The following ADK variants were observed in gnomAD, a reference collection of about 807,000 sequenced individuals.
The protein encoded by ADK is N6,N6-dimethyladenosine kinase.
Under a neutral mutation model 44.7 loss-of-function variants are expected in ADK, and 24 were observed. That is an observed-to-expected ratio of 0.54 (90% CI 0.39 to 0.76). The LOEUF (loss-of-function observed/expected upper bound fraction) is 0.76, where lower values mean the gene tolerates loss of function less well. Among genes scored for constraint, ADK ranks in the 30% least tolerant of loss-of-function variants. The pLI, the probability that ADK is intolerant of heterozygous loss-of-function variation, is 0.00. For synonymous variants in ADK, 128 were observed against 142.6 expected (o/e 0.90, Z 0.73); for missense variants, 321 against 425.1 (o/e 0.76, Z 2.15).
chr10:74,537,377 T>C (rs1849490107), intron 7 of ADK, among the ~76,000 whole-genome samples: 1 of 152,226 alleles, frequency 6.6e-6, no homozygotes, highest in Non-Finnish European at 1.5e-5. Context: ...GTAGTTTTAA[T>C]TTGTTTCTGA....
At chr10:74,346,248 A>C (rs868409750) in intron 4 of ADK, among the ~76,000 whole-genome samples, 2 of 151,986 alleles carry the variant, frequency 1.3e-5, no homozygotes, top group Non-Finnish European at 2.9e-5. Flanking sequence ...TCCCAATGCC[A>C]TGGTACATAT....
intron 4 of ADK, chr10:74,372,230 A>G (rs1842683638): frequency 6.6e-6 from 5 of 761,336 alleles, no homozygotes; most frequent in Middle Eastern, 3.6e-4. Context: ...GGACTGCTCC[A>G]GCTCCTGAGT....
At chr10:74,435,825 C>G (rs1023499888) in intron 6 of ADK, among the ~76,000 whole-genome samples, 4 of 151,910 alleles carry the variant, frequency 2.6e-5, no homozygotes, top group African/African-American at 9.7e-5. Flanking sequence ...AAAAATATGT[C>G]AAAAATAAAA....
rs766485044 is a variant in ADK at position 74,423,825 on chromosome 10, C to G, written c.555+25246C>G. On this transcript the variant is annotated intron_variant, in intron 6 of 10. Transcript: ENST00000539909. The stretch of plus-strand genomic sequence containing the variant: ...GCTCCTGTCCAGCGCTGCCCCAGAT[C>G]TCAAACTTGACTATTGTGTCGTCTA... 1.0e-5 allele frequency: 3 copies of G among 298,202 alleles called. No individual in the cohort carries two copies. The East Asian group carries it at 2.8e-4, about 28-fold the overall frequency. The allele number at this position is 298,202 out of a possible 1,614,324, so 18.5% of individuals were successfully genotyped here. A position where few individuals can be genotyped will look rare whatever the true frequency, so the allele number is the denominator to read the frequency against.
At chr10:74,484,316 T>C (rs748361861) in intron 6 of ADK, among the ~76,000 whole-genome samples, 191 of 152,218 alleles carry the variant, frequency 1.3e-3, no homozygotes, top group Non-Finnish European at 2.2e-3. Flanking sequence ...GAGAACTCGC[T>C]CATTATCACA....
chr10:74,456,853 C>T (rs1203334289), intron 6 of ADK, among the ~76,000 whole-genome samples: 1 of 152,014 alleles, frequency 6.6e-6, no homozygotes, highest in Non-Finnish European at 1.5e-5. Flanking sequence ...AAATTTATAG[C>T]ACTAAATGCC....
chr10:74,487,819 A>C (rs1358416992), intron 6 of ADK, among the ~76,000 whole-genome samples: 1 of 151,994 alleles, frequency 6.6e-6, no homozygotes, highest in African/African-American at 2.4e-5. Context: ...AGAAAATTAG[A>C]AAAAATGTTA....
chr10:74,258,410 CTTAAT>C lies in ADK; in HGVS notation c.194+33824_194+33828del, dbSNP rs1320865523. ...TAATCTTTAATATTGTATCTTTGATCTTAATTTAAAGTTTTGATGAACTTGTTGCT... is the reference window on the plus strand; with the variant it reads ...TAATCTTTAATATTGTATCTTTGATCTTAAAGTTTTGATGAACTTGTTGCT... On this transcript the variant is annotated intron_variant, in intron 3 of 10. Transcript: ENST00000539909. Among the ~76,000 whole-genome samples, 18 of 152,100 alleles carry C rather than the reference CTTAAT, an allele frequency of 1.2e-4. No individual in the cohort carries two copies. In the South Asian group the frequency reaches 1.5e-3, roughly 12 times the overall value.
intron 3 of ADK, among the ~76,000 whole-genome samples, chr10:74,239,858 A>G (rs1845134309): frequency 1.3e-5 from 2 of 152,128 alleles, no homozygotes; most frequent in South Asian, 4.1e-4. Context: ...TTAATAAAAT[A>G]TTCTATTTAG....
At chr10:74,529,819 T>C (rs1444340788) in intron 7 of ADK, among the ~76,000 whole-genome samples, 1 of 152,162 alleles carries the variant, frequency 6.6e-6, no homozygotes, top group Non-Finnish European at 1.5e-5. Context: ...TGTCATTACG[T>C]GGACTATAGA....
intron 4 of ADK, chr10:74,372,414 T>C: frequency 1.5e-6 from 1 of 686,722 alleles, no homozygotes; most frequent in Non-Finnish European, 2.7e-6. Context: ...TGAAAGGTCT[T>C]AAGCTGTTAT....
chr10:74,190,155 C>A (rs574067544), intron 1 of ADK, among the ~76,000 whole-genome samples: 168 of 152,308 alleles, frequency 1.1e-3, no homozygotes, highest in African/African-American at 3.9e-3. Flanking sequence ...GAGCAACTGC[C>A]AAACTATTTT....
chr10:74,503,092 T>A (rs78711882), intron 6 of ADK, among the ~76,000 whole-genome samples: 118 of 152,244 alleles, frequency 7.8e-4, no homozygotes, highest in African/African-American at 2.8e-3. Flanking sequence ...AGTTCAGAGG[T>A]CAACAAAGTA....
intron 3 of ADK, among the ~76,000 whole-genome samples, chr10:74,311,085 T>C (rs1836098492): frequency 6.6e-6 from 1 of 152,196 alleles, no homozygotes; most frequent in South Asian, 2.1e-4. Context: ...AAAAGAGCCA[T>C]AATTGTTCCT....
intron 9 of ADK, among the ~76,000 whole-genome samples, chr10:74,620,990 G>T (rs749235578): frequency 6.6e-6 from 1 of 152,002 alleles, no homozygotes; most frequent in African/African-American, 2.4e-5. Flanking sequence ...TGAGTAAGTT[G>T]TATGTATTTT....
At chr10:74,372,394 G>A (rs1034390234) in intron 4 of ADK, 6 of 727,230 alleles carry the variant, frequency 8.3e-6, no homozygotes, top group Non-Finnish European at 1.5e-5. Flanking sequence ...GAATGGGTAG[G>A]AGCAAACACT....
intron 6 of ADK, among the ~76,000 whole-genome samples, chr10:74,400,631 T>C (rs72818563): frequency 1.5e-3 from 233 of 152,354 alleles, no homozygotes; most frequent in Non-Finnish European, 2.8e-3. Context: ...TGCCCCATAC[T>C]TTCTGGTTCT....
intron 6 of ADK, among the ~76,000 whole-genome samples, chr10:74,433,166 T>C (rs1464887894): frequency 6.6e-6 from 1 of 152,224 alleles, no homozygotes; most frequent in Non-Finnish European, 1.5e-5. Context: ...GCAAACAGTG[T>C]ATCAGAAATG....
chr10:74,499,052 T>C (rs1243847922), intron 6 of ADK, among the ~76,000 whole-genome samples: 2 of 152,158 alleles, frequency 1.3e-5, no homozygotes, highest in East Asian at 3.9e-4. Flanking sequence ...TGTATTGATT[T>C]GTTGCTTTGT....
Sources: allele counts gnomAD v4.1 joint callset (sites outside exome capture counted in the v4.1 genomes callset), GRCh38; gene constraint gnomAD v4.1.1; transcripts MANE v1.5; gene names NCBI Gene and HGNC (gene_info 2026-07-23, HGNC 2026-07-21).